Variants in GRXCR1 observed in about 807,000 individuals in gnomAD.
The protein encoded by GRXCR1 is glutaredoxin domain-containing cysteine-rich protein 1.
A neutral mutation model predicts 27.3 loss-of-function variants in GRXCR1; 27 were observed. The observed-to-expected ratio is 0.99, with a 90% CI of 0.73 to 1.37. The LOEUF is 1.37. GRXCR1 is among the 40% of genes most tolerant of loss of function. GRXCR1 has a pLI of 0.00. For synonymous variants in GRXCR1, 122 were observed against 131.1 expected (o/e 0.93, Z 0.47); for missense variants, 379 against 354.4 (o/e 1.07, Z -0.56).
chr4:42,932,605 TATATATATATATATAGAGAGAG>T (rs1409437005), intron 1 of GRXCR1, among the ~76,000 whole-genome samples: 399 of 57,706 alleles, frequency 6.9e-3, no homozygotes, highest in Middle Eastern at 0.019. Context: ...TATATATATA[TATATATATATATATAGAGAGAG>T]AGAGAGAGAG....
chr4:42,924,719 A>T (rs760033479), intron 1 of GRXCR1, among the ~76,000 whole-genome samples: 2 of 152,040 alleles, frequency 1.3e-5, no homozygotes, highest in Non-Finnish European at 2.9e-5. Context: ...TTAGAGGCAA[A>T]TACTAATCAA....
rs115100291 is a variant in GRXCR1 at position 43,023,375 on chromosome 4, A to T, written c.693+2956A>T. On this transcript the variant is annotated intron_variant, in intron 3 of 3. Transcript: ENST00000399770. The stretch of plus-strand genomic sequence containing the variant: ...GAGGCTTAGCAGCTGTGGTTGGGCC[A>T]TCAGAAATGGAGTCAGAAAATAATT... 4.9e-3 allele frequency among the ~76,000 whole-genome samples: 749 copies of T among 152,346 alleles called. 10 individuals carry two copies. The highest frequency in any genetic ancestry group is 0.015 in the African/African-American group (638 of 41,578).
chr4:43,026,053 TTG>T (rs1491155528), intron 3 of GRXCR1, among the ~76,000 whole-genome samples: 1 of 133,012 alleles, frequency 7.5e-6, no homozygotes, highest in Non-Finnish European at 1.6e-5. Flanking sequence ...TTGTTACTAG[TTG>T]TAATGTTACT....
chr4:42,907,967 G>A (rs1027882293), intron 1 of GRXCR1, among the ~76,000 whole-genome samples: 21 of 152,134 alleles, frequency 1.4e-4, no homozygotes, highest in African/African-American at 4.6e-4. Flanking sequence ...CTAGCCATTG[G>A]CAATGTAGCA....
rs1242248279 is a variant in GRXCR1, at chr4:42,996,677, AG to A, written c.628-23675del. ...GCAAAACTGTAAATCCTACAAGTGT[AG>A]GTTTATTGTAGACAGCTATCATCCT... On this transcript the variant is annotated intron_variant, in intron 2 of 3. Transcript: ENST00000399770. 2.0e-5 allele frequency among the ~76,000 whole-genome samples: 3 copies of A among 152,170 alleles called. No homozygotes were observed. In the East Asian group the frequency reaches 5.8e-4, roughly 29 times the overall value.
At chr4:42,968,831 C>T (rs959627748) in intron 2 of GRXCR1, among the ~76,000 whole-genome samples, 2 of 151,836 alleles carry the variant, frequency 1.3e-5, no homozygotes, top group South Asian at 2.1e-4. Flanking sequence ...TATTGTTAAC[C>T]TTTAGTAGCA....
chr4:42,916,564 G>A (rs1746891188), intron 1 of GRXCR1, among the ~76,000 whole-genome samples: 1 of 152,008 alleles, frequency 6.6e-6, no homozygotes, highest in Non-Finnish European at 1.5e-5. Context: ...ATTAGATTCA[G>A]GGTACATAAA....
intron 2 of GRXCR1, among the ~76,000 whole-genome samples, chr4:42,976,733 TG>T: frequency 6.6e-6 from 1 of 152,150 alleles, no homozygotes; most frequent in East Asian, 1.9e-4. Context: ...TACAACATGA[TG>T]TTTTGAAGTA....
At chr4:42,927,150 G>A (rs187648695) in intron 1 of GRXCR1, among the ~76,000 whole-genome samples, 20 of 151,922 alleles carry the variant, frequency 1.3e-4, no homozygotes, top group African/African-American at 4.1e-4. Flanking sequence ...CAGGATTCAG[G>A]GATGGCCTAG....
At chr4:43,013,343 TGCTGAGGGCC>T (rs1383167458) in intron 2 of GRXCR1, among the ~76,000 whole-genome samples, 2 of 152,208 alleles carry the variant, frequency 1.3e-5, no homozygotes, top group African/African-American at 4.8e-5. Flanking sequence ...ACATAGATGC[TGCTGAGGGCC>T]ATTATCATAA....
Position 42,923,852 on chromosome 4 carries a change from C to T in GRXCR1, c.384+30202C>T, listed in dbSNP as rs375934508. Among the ~76,000 whole-genome samples, 7 of 152,160 alleles carry T rather than the reference C, an allele frequency of 4.6e-5. No homozygotes were observed. The East Asian group carries it at 9.7e-4, about 21-fold the overall frequency. On this transcript the variant is annotated intron_variant, in intron 1 of 3. Coordinates refer to ENST00000399770, the MANE Select transcript of GRXCR1 (RefSeq NM_001080476.3). ...GTGATGCATAGCTTCCGGGGTGGTACTTTCACCCTATTCCCTTTTATTCAG... is the reference window on the plus strand; with the variant it reads ...GTGATGCATAGCTTCCGGGGTGGTATTTTCACCCTATTCCCTTTTATTCAG...
intron 2 of GRXCR1, among the ~76,000 whole-genome samples, chr4:43,001,843 A>G (rs1712373829): frequency 5.8e-5 from 3 of 51,736 alleles, no homozygotes; most frequent in Admixed American, 4.3e-4. Flanking sequence ...TATTTCAGCA[A>G]AAAGGAATGT....
Position 42,893,291 on chromosome 4 carries a change from G to A in GRXCR1, c.25G>A (p.Glu9Lys), listed in dbSNP as rs78136490. ...CATGCTTAAAAGGGAGATGAAGCCA[G>A]AAAGTGACAGGCCACGGAAAGTCCG... Reference protein sequence around the residue: MLKREMKPESDRPRKVRFR... With the variant: MLKREMKPKSDRPRKVRFR... The change falls in exon 1 of 4, where the codon GAA (glutamate) becomes AAA (lysine). Residue 9 changes from glutamate to lysine, a missense_variant. By Grantham distance (56) the Glu-to-Lys change is moderately conservative. Coordinates refer to ENST00000399770, the MANE Select transcript of GRXCR1 (RefSeq NM_001080476.3). 133,991 of 1,613,502 alleles carry A rather than the reference G, an allele frequency of 0.083. 6,678 individuals are homozygous for A. The highest frequency in any genetic ancestry group is 0.21 in the African/African-American group (15,388 of 74,954).
intron 2 of GRXCR1, among the ~76,000 whole-genome samples, chr4:42,971,788 T>A (rs1026448777): frequency 7.9e-5 from 12 of 151,378 alleles, no homozygotes; most frequent in African/African-American, 2.4e-4. Flanking sequence ...AAATCTCATG[T>A]CTCAAAAAAA....
intron 1 of GRXCR1, among the ~76,000 whole-genome samples, chr4:42,960,203 A>T (rs1748100400): frequency 6.6e-6 from 1 of 152,024 alleles, no homozygotes. Flanking sequence ...ATCTGGGAAA[A>T]GTATTTCAGA....
chr4:43,001,779 T>G (rs1446711125), intron 2 of GRXCR1, among the ~76,000 whole-genome samples: 1 of 152,196 alleles, frequency 6.6e-6, no homozygotes, highest in Non-Finnish European at 1.5e-5. Flanking sequence ...ACCAAGGACC[T>G]GCACCGGCAC....
intron 2 of GRXCR1, among the ~76,000 whole-genome samples, chr4:43,003,720 A>G (rs543001191): frequency 6.6e-6 from 1 of 152,300 alleles, no homozygotes; most frequent in Non-Finnish European, 1.5e-5. Flanking sequence ...AGAAATTTCT[A>G]AGCAGCAAAG....
At chr4:42,920,739 G>A (rs1176589683) in intron 1 of GRXCR1, among the ~76,000 whole-genome samples, 1 of 151,736 alleles carries the variant, frequency 6.6e-6, no homozygotes, top group Non-Finnish European at 1.5e-5. Flanking sequence ...AATAATTTTT[G>A]GAATATCAAA....
chr4:42,957,172 AT>A (rs1175046612), intron 1 of GRXCR1, among the ~76,000 whole-genome samples: 1 of 152,062 alleles, frequency 6.6e-6, no homozygotes, highest in Non-Finnish European at 1.5e-5. Context: ...TTAACCTCAA[AT>A]ATCAGAAAAT....
Sources: gnomAD v4.1 joint callset for allele counts (sites outside exome capture counted in the v4.1 genomes callset) on GRCh38, gnomAD v4.1.1 for gene constraint, MANE v1.5 for transcripts, NCBI Gene and HGNC (gene_info 2026-07-23, HGNC 2026-07-21) for gene names.